The following SLC25A15 variants were observed in gnomAD, a reference collection of about 807,000 sequenced individuals.
The protein encoded by SLC25A15 is solute carrier family 25 member 15, also known as mitochondrial ornithine transporter 1.
SLC25A15 carries 24 observed loss-of-function variants against 32.3 expected under a neutral mutation model. That is an observed-to-expected ratio of 0.74 (90% CI 0.54 to 1.04). The LOEUF is 1.04. Among genes scored for constraint, SLC25A15 ranks in the 50% least tolerant of loss-of-function variants. SLC25A15 has a pLI of 0.00. For synonymous variants in SLC25A15, 132 were observed against 142.1 expected (o/e 0.93, Z 0.51); for missense variants, 317 against 374.5 (o/e 0.85, Z 1.27).
At position 40,802,548 on chromosome 13, in the gene SLC25A15, G is replaced by A. The variant is rs145401546; in HGVS notation, c.315-2570G>A. On this transcript the variant is annotated intron_variant, in intron 3 of 6. Coordinates refer to ENST00000338625, the MANE Select transcript of SLC25A15 (RefSeq NM_014252.4). Reference sequence around the variant, plus strand: ...AATCTTTAACACTGGAAAAACTTGAGTACCCCTGAATATGGTAAGTCCATC... The same window carrying A: ...AATCTTTAACACTGGAAAAACTTGAATACCCCTGAATATGGTAAGTCCATC... Among the ~76,000 whole-genome samples the A allele has an allele frequency of 4.0e-3, 611 of 150,908 alleles. 13 individuals are homozygous for A. Among genetic ancestry groups the A allele is most frequent in the East Asian group, 3.9e-3 (20 of 5,150 alleles).
intron 1 of SLC25A15, among the ~76,000 whole-genome samples, chr13:40,790,814 C>G (rs557338712): frequency 6.6e-6 from 1 of 152,228 alleles, no homozygotes; most frequent in Admixed American, 6.5e-5. Flanking sequence ...CTCGAACTCC[C>G]GACCTCAGGT....
At chr13:40,796,022 C>G (rs180751038) in intron 2 of SLC25A15, among the ~76,000 whole-genome samples, 7 of 152,202 alleles carry the variant, frequency 4.6e-5, no homozygotes, top group East Asian at 3.9e-4. Context: ...TAGTTTGGAG[C>G]CTTTGGGCCC....
At chr13:40,802,598 C>T (rs9549291) in intron 3 of SLC25A15, among the ~76,000 whole-genome samples, 56,668 of 147,664 alleles carry the variant, frequency 0.38, 11,463 homozygotes, top group East Asian at 0.51. Flanking sequence ...TTTTTTGAGA[C>T]GGAGTCTCAC....
At chr13:40,807,071 C>A (rs1275188812) in intron 4 of SLC25A15, among the ~76,000 whole-genome samples, 2 of 152,224 alleles carry the variant, frequency 1.3e-5, no homozygotes, top group Admixed American at 1.3e-4. Context: ...CTGGGCAATA[C>A]AATGCCATTT....
Position 40,810,771 on chromosome 13 carries a change from T to A in SLC25A15, c.*1104T>A, listed in dbSNP as rs1452843709. ...GAACTTCCCTTCTTGGGCTTTAGAT[T>A]GAGGAAGGGGCTGAGTGGTAGGCGG... On this transcript the variant is annotated 3_prime_UTR_variant, in exon 7 of 7. Coordinates refer to ENST00000338625, the MANE Select transcript of SLC25A15 (RefSeq NM_014252.4). 1.9e-6 allele frequency: 1 copy of A among 534,768 alleles called. No individual in the cohort carries two copies. Among genetic ancestry groups the A allele is most frequent in the East Asian group, 5.4e-5 (1 of 18,366 alleles). 33.1% of individuals were successfully genotyped at this position (534,768 alleles called of 1,614,324 possible).
chr13:40,800,080 T>C (rs1881821356), intron 3 of SLC25A15, among the ~76,000 whole-genome samples: 1 of 152,230 alleles, frequency 6.6e-6, no homozygotes, highest in Non-Finnish European at 1.5e-5. Context: ...CTTAAAATTA[T>C]TATATAAGCT....
chr13:40,796,234 C>A (rs961164551), intron 2 of SLC25A15, among the ~76,000 whole-genome samples: 2 of 152,140 alleles, frequency 1.3e-5, no homozygotes, highest in African/African-American at 4.8e-5. Flanking sequence ...CTTTAAACAA[C>A]GTTTTCCCCA....
In SLC25A15 at chr13:40,808,451, G is replaced by A. The variant is rs61964269; in HGVS notation, c.636G>A (p.Leu212=). ...TTTTTTCTCTAGGCCCTGTACCTTT[G>A]ATGTTAAGTGGTGGAGTTGGTGGGA... ...RSKDELGPVP[L]MLSGGVGGIC... The change falls in exon 6 of 7, where the codon TTG becomes TTA. Residue 212 remains leucine (L), a synonymous_variant. Coordinates refer to ENST00000338625, the MANE Select transcript of SLC25A15 (RefSeq NM_014252.4). 6.2e-7 allele frequency: 1 copy of A among 1,613,188 alleles called. No individual in the cohort carries two copies.
rs1380778885 is a variant in SLC25A15, at chr13:40,811,724, G to A, written c.*2057G>A. On this transcript the variant is annotated 3_prime_UTR_variant, in exon 7 of 7. Transcript: ENST00000338625. Reference sequence around the variant, plus strand: ...CACCAGCAGGGTATCTCCCAATAAAGTGTTCCTAAGCAGCCTGTATACTGA... The same window carrying A: ...CACCAGCAGGGTATCTCCCAATAAAATGTTCCTAAGCAGCCTGTATACTGA... 6.6e-6 allele frequency among the ~76,000 whole-genome samples: 1 copy of A among 152,174 alleles called. No individual in the cohort carries two copies. Among genetic ancestry groups the A allele is most frequent in the Non-Finnish European group, 1.5e-5 (1 of 68,030 alleles).
At position 40,809,851 on chromosome 13, in the gene SLC25A15, T is replaced by C. The variant is rs1566125411; in HGVS notation, c.*184T>C. 3.2e-6 allele frequency: 2 copies of C among 625,078 alleles called. No homozygotes were observed. Among genetic ancestry groups the C allele is most frequent in the African/African-American group, 3.7e-5 (2 of 54,380 alleles). The allele number at this position is 625,078 out of a possible 1,614,324, so 38.7% of individuals were successfully genotyped here. On this transcript the variant is annotated 3_prime_UTR_variant, in exon 7 of 7. Transcript: ENST00000338625. ...CCTCTATTTTGCATCATATCATTTC[T>C]GTCCATAATTGTACTGAAATAGAAA... is the stretch of plus-strand genomic sequence containing the variant.
At chr13:40,805,035 T>G in intron 3 of SLC25A15, 83 bp from the exon 4 acceptor site, 2 of 1,574,416 alleles carry the variant, frequency 1.3e-6, no homozygotes, top group Non-Finnish European at 1.7e-6. Context: ...CTTACCCTGC[T>G]TTATCACCAA....
At chr13:40,797,840 A>T (rs1044070055) in intron 2 of SLC25A15, among the ~76,000 whole-genome samples, 1 of 152,178 alleles carries the variant, frequency 6.6e-6, no homozygotes, top group Non-Finnish European at 1.5e-5. Flanking sequence ...TTGCATTTTG[A>T]TGAAGCTTTA....
intron 2 of SLC25A15, among the ~76,000 whole-genome samples, chr13:40,796,044 A>G (rs529524587): frequency 6.6e-6 from 1 of 152,130 alleles, no homozygotes; most frequent in South Asian, 2.1e-4. Flanking sequence ...GCCTTTCTGG[A>G]TGTGGAACTT....
intron 2 of SLC25A15, among the ~76,000 whole-genome samples, chr13:40,795,997 A>G (rs1487526671): frequency 2.0e-5 from 3 of 152,150 alleles, no homozygotes; most frequent in Non-Finnish European, 4.4e-5. Context: ...TCTGCAGCAC[A>G]CTGGAGGGGA....
intron 3 of SLC25A15, among the ~76,000 whole-genome samples, chr13:40,804,531 CTTCCT>C (rs1489217759): frequency 1.4e-5 from 2 of 144,240 alleles, no homozygotes; most frequent in East Asian, 2.1e-4. Flanking sequence ...TGCAAGTTTC[CTTCCT>C]TTCATCATTT....
chr13:40,792,623 G>C (rs1234024895), intron 1 of SLC25A15, among the ~76,000 whole-genome samples: 1 of 152,220 alleles, frequency 6.6e-6, no homozygotes, highest in Non-Finnish European at 1.5e-5. Context: ...ACCTTGTACA[G>C]ATGAGGACTC....
chr13:40,810,973 C>A lies in SLC25A15; in HGVS notation c.*1306C>A. The A allele has an allele frequency of 2.4e-6, 1 of 423,306 alleles. No individual in the cohort carries two copies. The allele number at this position is 423,306 out of a possible 1,614,324, so 26.2% of individuals were successfully genotyped here. A position where few individuals can be genotyped will look rare whatever the true frequency, so the allele number is the denominator to read the frequency against. On this transcript the variant is annotated 3_prime_UTR_variant, in exon 7 of 7. Coordinates refer to ENST00000338625, the MANE Select transcript of SLC25A15 (RefSeq NM_014252.4). ...CCAAAGCCAAGAGAAGCCTTCTTCC[C>A]TGTTTGGTGATTGTGTGACAGTGGG...
At chr13:40,794,340 CAAAAAAAAAA>C (rs148747444) in intron 2 of SLC25A15, among the ~76,000 whole-genome samples, 1 of 87,908 alleles carries the variant, frequency 1.1e-5, no homozygotes, top group Non-Finnish European at 2.4e-5. Context: ...AACTCTGTCT[CAAAAAAAAAA>C]AAAAAAGACA....
chr13:40,796,125 C>T (rs1435065984), intron 2 of SLC25A15, among the ~76,000 whole-genome samples: 3 of 152,118 alleles, frequency 2.0e-5, no homozygotes, highest in Non-Finnish European at 1.5e-5. Context: ...TGGCAGAGGT[C>T]ACCCACGGAA....
Sources: gnomAD v4.1 joint callset for allele counts (sites outside exome capture counted in the v4.1 genomes callset) on GRCh38, gnomAD v4.1.1 for gene constraint, MANE v1.5 for transcripts, NCBI Gene and HGNC (gene_info 2026-07-23, HGNC 2026-07-21) for gene names.